Variants in STK32B observed in about 807,000 individuals in gnomAD.
STK32B encodes the protein serine/threonine kinase 32B, also known as serine/threonine-protein kinase 32B.
A neutral mutation model predicts 52.6 loss-of-function variants in STK32B; 43 were observed. The ratio of observed to expected loss-of-function variants is 0.82; its 90% confidence interval spans 0.64 to 1.05. The LOEUF (loss-of-function observed/expected upper bound fraction) is 1.05. STK32B is among the 50% of genes least tolerant of loss of function. STK32B has a pLI of 0.00. For synonymous variants in STK32B, 238 were observed against 204.3 expected (o/e 1.17, Z -1.41); for missense variants, 621 against 534.6 (o/e 1.16, Z -1.59).
chr4:5,267,892 A>C (rs1378710224), intron 3 of STK32B, among the ~76,000 whole-genome samples: 1 of 152,176 alleles, frequency 6.6e-6, no homozygotes, highest in Non-Finnish European at 1.5e-5. Flanking sequence ...AGAAGTTGAC[A>C]GCTCTGCTGC....
chr4:5,180,779 C>G (rs1720290784), intron 3 of STK32B, among the ~76,000 whole-genome samples: 1 of 152,150 alleles, frequency 6.6e-6, no homozygotes, highest in Non-Finnish European at 1.5e-5. Context: ...CTGACGTGCT[C>G]TACAACTGGT....
Position 5,398,175 on chromosome 4 carries a change from C to A in STK32B, c.435-32C>A. 1 of 1,613,274 alleles carries A rather than the reference C, an allele frequency of 6.2e-7. No individual in the cohort carries two copies. The highest frequency in any genetic ancestry group is 8.5e-7 in the Non-Finnish European group (1 of 1,179,722). ...TGTGCTCATCTGTGGGCTCAGGAAC[C>A]ACATTGCCAGCTTCTTTGTTTTCTT... On this transcript the variant is annotated intron_variant, in intron 4 of 11. Transcript: ENST00000282908. The surrounding 1 kb of genome is among the most constrained non-coding windows in gnomAD (Gnocchi z 4.9).
the STK32B span, chr4:5,019,391 CG>C: frequency 2.0e-6 from 3 of 1,491,616 alleles, no homozygotes; most frequent in Admixed American, 2.9e-5. Context: ...GGCCGCGCGG[CG>C]GGGGCTCCCG....
intron 2 of STK32B, among the ~76,000 whole-genome samples, chr4:5,155,945 A>G (rs535485907): frequency 5.9e-5 from 9 of 152,224 alleles, no homozygotes; most frequent in African/African-American, 2.2e-4. Context: ...GTACACGTGC[A>G]TATACATATA....
chr4:5,105,843 G>A (rs1336913948), intron 1 of STK32B, among the ~76,000 whole-genome samples: 1 of 151,984 alleles, frequency 6.6e-6, no homozygotes, highest in Non-Finnish European at 1.5e-5. Context: ...GATTACAGGT[G>A]TGAGCCACCA....
chr4:5,114,364 C>T (rs986884559), intron 1 of STK32B, among the ~76,000 whole-genome samples: 1 of 151,914 alleles, frequency 6.6e-6, no homozygotes, highest in Non-Finnish European at 1.5e-5. Context: ...GATGTATTTC[C>T]TCCCATAAAA....
chr4:5,275,035 A>G (rs1198638741), intron 3 of STK32B, among the ~76,000 whole-genome samples: 5 of 152,182 alleles, frequency 3.3e-5, no homozygotes, highest in Admixed American at 3.3e-4. Flanking sequence ...ACAGAGCTAT[A>G]ACACTCACTG....
chr4:5,106,313 T>C (rs528950661), intron 1 of STK32B, among the ~76,000 whole-genome samples: 387 of 152,252 alleles, frequency 2.5e-3, no homozygotes, highest in African/African-American at 9.0e-3. Flanking sequence ...AAAAAACTTT[T>C]TCTTTTTAAT....
rs1733245824 is a variant in STK32B, at chr4:5,343,560, C to T, written c.434+12167C>T. 1.3e-5 allele frequency among the ~76,000 whole-genome samples: 2 copies of T among 152,136 alleles called. 1 individual carries two copies. Among genetic ancestry groups the T allele is most frequent in the South Asian group, 4.1e-4 (2 of 4,824 alleles). On this transcript the variant is annotated intron_variant, in intron 4 of 11. Transcript: ENST00000282908. ...CACAATGGTTGAACTAGTTTACACT[C>T]CCACCAACATAATTCAAGATGGATT...
Position 5,153,609 on chromosome 4 carries a change from A to G in STK32B, c.108+13649A>G, listed in dbSNP as rs1380500522. 3.9e-5 allele frequency among the ~76,000 whole-genome samples: 6 copies of G among 152,296 alleles called. No individual in the cohort carries two copies. In the Middle Eastern group the frequency reaches 0.014, roughly 345 times the overall value. On this transcript the variant is annotated intron_variant, in intron 2 of 11. Transcript: ENST00000282908. ...TACAAAAACATTTTATATAATGCTG[A>G]AAGATTAAATGCTTTTCCAAAGTAG...
rs1217349274 is a variant in STK32B at position 5,494,356 on chromosome 4, T to G, written c.1107-4589T>G. Among the ~76,000 whole-genome samples, 4 of 151,940 alleles carry G rather than the reference T, an allele frequency of 2.6e-5. No homozygotes were observed. In the East Asian group the frequency reaches 7.7e-4, roughly 29 times the overall value. On this transcript the variant is annotated intron_variant, in intron 11 of 11. Transcript: ENST00000282908. ...TAATGGCCTTGTCTCTTTTGATCTT[T>G]GTTGGTTTAAAGTCTGTTTTATCAG...
chr4:5,106,198 A>T lies in STK32B; in HGVS notation c.53-33707A>T, dbSNP rs142917093. On this transcript the variant is annotated intron_variant, in intron 1 of 11. Coordinates refer to ENST00000282908, the MANE Select transcript of STK32B (RefSeq NM_018401.3). ...GTGCCTGTGATCCCAGCTACTTGGG[A>T]GGCTGATGCAGGAGAATCACTTGAA... is the stretch of plus-strand genomic sequence containing the variant. Among the ~76,000 whole-genome samples the T allele has an allele frequency of 4.0e-3, 610 of 152,192 alleles. 4 individuals carry two copies. The highest frequency in any genetic ancestry group is 0.014 in the African/African-American group (582 of 41,536).
Position 5,316,379 on chromosome 4 carries a change from T to TATATATATAATATATTACATATATA in STK32B, c.261-14833_261-14809dup, listed in dbSNP as rs1491259605. On this transcript the variant is annotated intron_variant, in intron 3 of 11. Transcript: ENST00000282908. ...TATTATATATATTATATATATTAAT[T>TATATATATAATATATTACATATATA]ATATATATAATATATTACATATATA... 5.2e-4 allele frequency among the ~76,000 whole-genome samples: 17 copies of TATATATATAATATATTACATATATA among 32,554 alleles called. 4 individuals carry two copies. The African/African-American group carries it at 5.2e-3, about 10-fold the overall frequency. The allele number at this position is 32,554 out of a possible 152,430, so 21.4% of individuals were successfully genotyped here. A position where few individuals can be genotyped will look rare whatever the true frequency, so the allele number is the denominator to read the frequency against.
At chr4:5,285,980 T>C (rs565121810) in intron 3 of STK32B, among the ~76,000 whole-genome samples, 1 of 151,928 alleles carries the variant, frequency 6.6e-6, no homozygotes, top group South Asian at 2.1e-4. Flanking sequence ...CTGATATCCA[T>C]ATAGAAAGAG....
At chr4:5,268,434 C>T (rs1370895031) in intron 3 of STK32B, among the ~76,000 whole-genome samples, 5 of 152,220 alleles carry the variant, frequency 3.3e-5, no homozygotes, top group African/African-American at 9.6e-5. Context: ...CCTTATTTAT[C>T]AGAGACACAT....
At chr4:5,230,834 G>A (rs529211278) in intron 3 of STK32B, among the ~76,000 whole-genome samples, 2 of 152,188 alleles carry the variant, frequency 1.3e-5, no homozygotes, top group Non-Finnish European at 2.9e-5. Context: ...CAGAACAAGA[G>A]GGGGTAAGAG....
chr4:5,174,182 A>T (rs150704941), intron 3 of STK32B, among the ~76,000 whole-genome samples: 18 of 151,696 alleles, frequency 1.2e-4, no homozygotes, highest in Admixed American at 1.1e-3. Context: ...TTCTATTTTG[A>T]GCCTATGTGT....
chr4:5,261,589 A>G (rs532158951), intron 3 of STK32B, among the ~76,000 whole-genome samples: 17 of 152,312 alleles, frequency 1.1e-4, no homozygotes, highest in Admixed American at 9.8e-4. Flanking sequence ...AAGATCAGAG[A>G]GGTTTAATAA....
intron 3 of STK32B, among the ~76,000 whole-genome samples, chr4:5,288,931 T>G (rs554132350): frequency 6.6e-6 from 1 of 152,340 alleles, no homozygotes; most frequent in East Asian, 1.9e-4. Flanking sequence ...TTTTGTATGG[T>G]GGCAGGTAAG....
Sources: allele counts gnomAD v4.1 joint callset (sites outside exome capture counted in the v4.1 genomes callset), GRCh38; gene constraint gnomAD v4.1.1; non-coding constraint Gnocchi (gnomAD v3.1); transcripts MANE v1.5; gene names NCBI Gene and HGNC (gene_info 2026-07-23, HGNC 2026-07-21).